GULP1: variants seen among roughly 807,000 people sequenced by gnomAD.
The protein encoded by GULP1 is GULP PTB domain containing engulfment adaptor 1.
In GULP1, 19 loss-of-function variants were observed where a neutral mutation model predicts 40.9. The ratio of observed to expected loss-of-function variants is 0.46; its 90% CI spans 0.32 to 0.68. The LOEUF (loss-of-function observed/expected upper bound fraction) is 0.68. Ranked by LOEUF, GULP1 falls within the 30% of genes least tolerant of loss-of-function variation. The pLI is 0.03. For missense variants in GULP1, 312 were observed against 362.2 expected (o/e 0.86, Z 1.12); for synonymous variants, 119 against 117.6 (o/e 1.01, Z -0.08).
intron 3 of GULP1, among the ~76,000 whole-genome samples, chr2:188,478,305 T>C (rs561783389): frequency 6.6e-6 from 1 of 152,236 alleles, no homozygotes; most frequent in Non-Finnish European, 1.5e-5. Context: ...TGTTTTTTAA[T>C]GGGCAGAAAA....
chr2:188,349,500 G>A (rs2044157758), intron 1 of GULP1, among the ~76,000 whole-genome samples: 1 of 151,994 alleles, frequency 6.6e-6, no homozygotes, highest in Non-Finnish European at 1.5e-5. Context: ...TAATGATATT[G>A]GATATCTTTT....
chr2:188,363,282 T>C (rs777210931), intron 1 of GULP1, among the ~76,000 whole-genome samples: 4 of 152,106 alleles, frequency 2.6e-5, no homozygotes, highest in Admixed American at 6.6e-5. Context: ...AGTCTATAGA[T>C]GGTTACTTGG....
chr2:188,577,359 T>C (rs181660414), intron 9 of GULP1, among the ~76,000 whole-genome samples: 2 of 152,086 alleles, frequency 1.3e-5, no homozygotes, highest in Admixed American at 6.5e-5. Context: ...GAAGTGAGAA[T>C]GGGCAAGAGC....
At chr2:188,547,604 T>C (rs1692319241) in intron 7 of GULP1, among the ~76,000 whole-genome samples, 1 of 152,146 alleles carries the variant, frequency 6.6e-6, no homozygotes. Flanking sequence ...CACCAGCAGC[T>C]GATTAAATGG....
At chr2:188,364,259 T>C (rs1269292697) in intron 1 of GULP1, among the ~76,000 whole-genome samples, 1 of 152,050 alleles carries the variant, frequency 6.6e-6, no homozygotes, top group Non-Finnish European at 1.5e-5. Context: ...ATTTCTGTTA[T>C]GTGGAGGATC....
intron 1 of GULP1, among the ~76,000 whole-genome samples, chr2:188,301,680 A>G (rs1164893346): frequency 2.0e-5 from 3 of 152,164 alleles, no homozygotes; most frequent in African/African-American, 7.2e-5. Context: ...CATATGTCAC[A>G]TGTCAGGTGA....
At chr2:188,383,133 C>T (rs572860277) in intron 1 of GULP1, among the ~76,000 whole-genome samples, 1 of 152,256 alleles carries the variant, frequency 6.6e-6, no homozygotes, top group South Asian at 2.1e-4. Flanking sequence ...GAACTTATGT[C>T]AGCGGTACAT....
intron 2 of GULP1, among the ~76,000 whole-genome samples, chr2:188,477,002 C>A (rs560103258): frequency 4.5e-4 from 69 of 152,078 alleles, no homozygotes; most frequent in African/African-American, 1.6e-3. Context: ...TGATGTGTAA[C>A]CCTCATAGTG....
intron 2 of GULP1, among the ~76,000 whole-genome samples, chr2:188,395,457 C>T (rs1424547946): frequency 6.6e-6 from 1 of 152,194 alleles, no homozygotes; most frequent in East Asian, 1.9e-4. Context: ...GTCTGCAGTG[C>T]TGGACAAGGG....
At chr2:188,412,734 A>C (rs1166695264) in intron 2 of GULP1, among the ~76,000 whole-genome samples, 1 of 152,158 alleles carries the variant, frequency 6.6e-6, no homozygotes, top group Non-Finnish European at 1.5e-5. Context: ...ACTTTGCAAA[A>C]TTATTTGAGT....
intron 1 of GULP1, chr2:188,297,462 T>C (rs1052981700): frequency 6.4e-6 from 3 of 470,676 alleles, no homozygotes; most frequent in Non-Finnish European, 1.3e-5. Context: ...TTCTTAATAT[T>C]AGGTGTTACA....
At chr2:188,397,854 T>C (rs1243578600) in intron 2 of GULP1, among the ~76,000 whole-genome samples, 1 of 152,180 alleles carries the variant, frequency 6.6e-6, no homozygotes, top group Non-Finnish European at 1.5e-5. Context: ...GAAGAAAAAG[T>C]GATCACCCAT....
chr2:188,337,924 G>A (rs1481559468), intron 1 of GULP1, among the ~76,000 whole-genome samples: 1 of 152,066 alleles, frequency 6.6e-6, no homozygotes, highest in Non-Finnish European at 1.5e-5. Flanking sequence ...TGTCCGAGAA[G>A]CACTAGATCC....
chr2:188,405,720 G>A (rs968335106), intron 2 of GULP1, among the ~76,000 whole-genome samples: 2 of 152,180 alleles, frequency 1.3e-5, no homozygotes, highest in African/African-American at 4.8e-5. Flanking sequence ...CAGTTACCAG[G>A]CCAGCTTACA....
chr2:188,530,509 G>A (rs75491054), intron 6 of GULP1, among the ~76,000 whole-genome samples: 2 of 152,116 alleles, frequency 1.3e-5, no homozygotes, highest in African/African-American at 4.8e-5. Flanking sequence ...CCTTCAAAGA[G>A]GTAACTTAGG....
intron 6 of GULP1, among the ~76,000 whole-genome samples, chr2:188,535,655 C>T (rs1688745813): frequency 6.6e-6 from 1 of 151,896 alleles, no homozygotes; most frequent in Non-Finnish European, 1.5e-5. Context: ...CATATGAGTG[C>T]ATGTGTCTTT....
intron 4 of GULP1, among the ~76,000 whole-genome samples, chr2:188,514,595 G>A (rs763404847): frequency 6.6e-6 from 1 of 152,086 alleles, no homozygotes; most frequent in Admixed American, 6.5e-5. Flanking sequence ...ATTGTATGAA[G>A]CAAAATAGTC....
chr2:188,554,199 G>T (rs1694194860), intron 7 of GULP1, among the ~76,000 whole-genome samples: 1 of 151,564 alleles, frequency 6.6e-6, no homozygotes, highest in Non-Finnish European at 1.5e-5. Flanking sequence ...GGGTTGGTTT[G>T]TTCTTACTTT....
intron 1 of GULP1, chr2:188,297,696 C>A: frequency 3.7e-6 from 1 of 268,494 alleles, no homozygotes; most frequent in South Asian, 3.6e-5. Flanking sequence ...CATACATAAT[C>A]TACTGACTGA....
Sources: gnomAD v4.1 joint callset for allele counts (sites outside exome capture counted in the v4.1 genomes callset) on GRCh38, gnomAD v4.1.1 for gene constraint, MANE v1.5 for transcripts, NCBI Gene and HGNC (gene_info 2026-07-23, HGNC 2026-07-21) for gene names.